LSAMP: variants seen among roughly 807,000 people sequenced by gnomAD.
LSAMP encodes limbic system associated membrane protein.
Under a neutral mutation model 38.6 loss-of-function variants are expected in LSAMP, and 7 were observed. The observed-to-expected ratio is 0.18, with a 90% CI of 0.10 to 0.34. LSAMP has a LOEUF of 0.34. Among genes scored for constraint, LSAMP ranks in the 10% least tolerant of loss-of-function variants. The pLI is 1.00. For synonymous variants in LSAMP, 154 were observed against 166.8 expected, an observed-to-expected ratio of 0.92 and a Z score of 0.59; for missense variants, 313 against 420.0, an observed-to-expected ratio of 0.75 and a Z score of 2.23.
At chr3:116,250,077 G>T (rs1196512881) in intron 1 of LSAMP, among the ~76,000 whole-genome samples, 1 of 152,108 alleles carries the variant, frequency 6.6e-6, no homozygotes, top group East Asian at 1.9e-4. Flanking sequence ...GAAAAATCCA[G>T]ATCTTAACAT....
At chr3:116,338,865 C>G (rs1431823898) in intron 1 of LSAMP, among the ~76,000 whole-genome samples, 2 of 152,018 alleles carry the variant, frequency 1.3e-5, no homozygotes, top group Non-Finnish European at 2.9e-5. Flanking sequence ...TACATCAACT[C>G]ATAAATATTC....
chr3:116,397,024 C>A (rs1220017648), intron 1 of LSAMP, among the ~76,000 whole-genome samples: 1 of 152,194 alleles, frequency 6.6e-6, no homozygotes, highest in East Asian at 1.9e-4. Context: ...CAATATTCAT[C>A]TAATTGGCCT....
At chr3:116,057,718 A>G (rs1941514380) in intron 2 of LSAMP, among the ~76,000 whole-genome samples, 1 of 152,142 alleles carries the variant, frequency 6.6e-6, no homozygotes, top group Non-Finnish European at 1.5e-5. Flanking sequence ...AGAGAAAAAC[A>G]TAATTCTTAT....
chr3:116,154,236 C>G (rs1334003216), intron 1 of LSAMP, among the ~76,000 whole-genome samples: 1 of 152,078 alleles, frequency 6.6e-6, no homozygotes, highest in Non-Finnish European at 1.5e-5. Flanking sequence ...TATCTATTGG[C>G]CTGTCTTGAG....
At chr3:115,896,046 T>C (rs1576194852) in intron 3 of LSAMP, among the ~76,000 whole-genome samples, 2 of 152,282 alleles carry the variant, frequency 1.3e-5, no homozygotes, top group Admixed American at 1.3e-4. Context: ...TAAATGTACC[T>C]ATGCTTGTGT....
intron 2 of LSAMP, among the ~76,000 whole-genome samples, chr3:116,039,995 G>A (rs924332081): frequency 6.8e-6 from 1 of 148,044 alleles, no homozygotes; most frequent in African/African-American, 2.6e-5. Context: ...GCCTCTCTTT[G>A]GGGGGGGAAA....
At chr3:116,097,414 C>A (rs537415712) in intron 1 of LSAMP, among the ~76,000 whole-genome samples, 1 of 152,114 alleles carries the variant, frequency 6.6e-6, no homozygotes, top group African/African-American at 2.4e-5. Flanking sequence ...ACTTTATAGT[C>A]TTGTCATATA....
chr3:116,098,600 C>T (rs910586772), intron 1 of LSAMP, among the ~76,000 whole-genome samples: 1 of 152,162 alleles, frequency 6.6e-6, no homozygotes, highest in Non-Finnish European at 1.5e-5. Flanking sequence ...GTTTGCTTTT[C>T]CATCACACAC....
At chr3:115,833,186 C>G (rs1474271258) in intron 6 of LSAMP, among the ~76,000 whole-genome samples, 1 of 152,044 alleles carries the variant, frequency 6.6e-6, no homozygotes, top group African/African-American at 2.4e-5. Flanking sequence ...ATGTCAATCT[C>G]TGCAGCAACA....
At chr3:116,147,577 T>G (rs1310715585) in intron 1 of LSAMP, among the ~76,000 whole-genome samples, 1 of 151,996 alleles carries the variant, frequency 6.6e-6, no homozygotes, top group Non-Finnish European at 1.5e-5. Context: ...ATTTTGTCTA[T>G]AATATTTTTC....
intron 1 of LSAMP, among the ~76,000 whole-genome samples, chr3:116,150,965 G>A (rs1482403101): frequency 6.6e-6 from 1 of 152,000 alleles, no homozygotes. Flanking sequence ...CCCAGGTGGT[G>A]CCTTACTGGA....
chr3:116,123,099 C>T (rs1457188118), intron 1 of LSAMP, among the ~76,000 whole-genome samples: 1 of 152,118 alleles, frequency 6.6e-6, no homozygotes, highest in African/African-American at 2.4e-5. Context: ...ATGACAAAAA[C>T]AATTTTCATG....
At chr3:116,304,408 C>T (rs572796239) in intron 1 of LSAMP, among the ~76,000 whole-genome samples, 13 of 152,162 alleles carry the variant, frequency 8.5e-5, no homozygotes, top group South Asian at 4.2e-4. Context: ...GAAGCTGTTT[C>T]GGACAAAGGA....
intron 3 of LSAMP, among the ~76,000 whole-genome samples, chr3:115,996,247 A>C (rs1576292640): frequency 6.6e-6 from 1 of 152,136 alleles, no homozygotes; most frequent in African/African-American, 2.4e-5. Context: ...AAACCATAGA[A>C]TAGCAGTAAT....
At chr3:116,187,648 T>G (rs1710652140) in intron 1 of LSAMP, among the ~76,000 whole-genome samples, 1 of 152,170 alleles carries the variant, frequency 6.6e-6, no homozygotes, top group African/African-American at 2.4e-5. Context: ...AGTAAGGTAC[T>G]GAGTTATGAA....
Position 116,332,554 on chromosome 3 carries a change from G to A in LSAMP, c.155+112323C>T, listed in dbSNP as rs1049867299. 3.9e-5 allele frequency among the ~76,000 whole-genome samples: 6 copies of A among 152,046 alleles called. No homozygotes were observed. In the East Asian group the frequency reaches 5.8e-4, roughly 15 times the overall value. On this transcript the variant is annotated intron_variant, in intron 1 of 6. Transcript: ENST00000490035. ...AGAGAAAAATGAACTAAATGCAAAA[G>A]GAGAATAATGCAGAAAATGAGGGAC...
chr3:116,404,836 C>T (rs559125519), intron 1 of LSAMP, among the ~76,000 whole-genome samples: 2 of 152,124 alleles, frequency 1.3e-5, no homozygotes, highest in Non-Finnish European at 2.9e-5. Context: ...TTTTCTTTCT[C>T]TTTTCTTCTG....
chr3:115,939,584 C>CTTTCTTTCTTTCTCTT (rs1576237854), intron 3 of LSAMP, among the ~76,000 whole-genome samples: 1 of 131,806 alleles, frequency 7.6e-6, no homozygotes, highest in African/African-American at 2.7e-5. Context: ...TTCTTTCTTT[C>CTTTCTTTCTTTCTCTT]TGTTAAGAGA....
intron 1 of LSAMP, among the ~76,000 whole-genome samples, chr3:116,293,958 A>C (rs1466629330): frequency 6.6e-6 from 1 of 152,100 alleles, no homozygotes; most frequent in Non-Finnish European, 1.5e-5. Flanking sequence ...TATATACTAC[A>C]TGTATGAGGA....
Sources: allele counts gnomAD v4.1 joint callset (sites outside exome capture counted in the v4.1 genomes callset), GRCh38; gene constraint gnomAD v4.1.1; transcripts MANE v1.5; gene names NCBI Gene and HGNC (gene_info 2026-07-23, HGNC 2026-07-21).